The following BANK1 variants were observed in gnomAD, a reference collection of about 807,000 sequenced individuals.
BANK1 encodes B-cell scaffold protein with ankyrin repeats.
Under a neutral mutation model 94.5 loss-of-function variants are expected in BANK1, and 95 were observed. The observed-to-expected ratio is 1.00, with a 90% CI of 0.85 to 1.19. BANK1 has a LOEUF of 1.19. Among genes scored for constraint, BANK1 ranks in the 50% most tolerant of loss-of-function variants. The pLI, the probability that BANK1 is intolerant of heterozygous loss-of-function variation, is 0.00. For missense variants in BANK1, 987 were observed against 932.2 expected, an observed-to-expected ratio of 1.06 and a Z score of -0.77; for synonymous variants, 334 against 308.4, an observed-to-expected ratio of 1.08 and a Z score of -0.87.
At chr4:102,059,498 C>G (rs1197633298) in intron 11 of BANK1, among the ~76,000 whole-genome samples, 1 of 152,162 alleles carries the variant, frequency 6.6e-6, no homozygotes, top group Non-Finnish European at 1.5e-5. Flanking sequence ...ACATAGCATC[C>G]TTAAAGTCAT....
rs182653093 is a variant in BANK1, at chr4:101,791,325, A to G, written c.70+375A>G. Among the ~76,000 whole-genome samples the G allele has an allele frequency of 3.5e-4, 53 of 152,316 alleles. No homozygotes were observed. In the East Asian group the frequency reaches 4.1e-3, roughly 12 times the overall value. ...TTAAAATTATACGTAATTATTTTCAACAGTCGGTAAGCACAGAAAAACCGC... is the reference window on the plus strand; with the variant it reads ...TTAAAATTATACGTAATTATTTTCAGCAGTCGGTAAGCACAGAAAAACCGC... On this transcript the variant is annotated intron_variant, in intron 1 of 16. Coordinates refer to ENST00000322953, the MANE Select transcript of BANK1 (RefSeq NM_017935.5).
intron 7 of BANK1, among the ~76,000 whole-genome samples, chr4:101,969,727 A>G (rs1416780624): frequency 5.9e-5 from 9 of 152,076 alleles, no homozygotes; most frequent in Non-Finnish European, 1.2e-4. Context: ...AATGAAATGG[A>G]CACCCTATTT....
intron 7 of BANK1, among the ~76,000 whole-genome samples, chr4:101,969,494 A>C (rs1190969214): frequency 2.0e-5 from 3 of 152,122 alleles, no homozygotes; most frequent in Non-Finnish European, 4.4e-5. Context: ...ACTAAGAAAA[A>C]TTTTGGTTAG....
intron 1 of BANK1, 45 bp downstream of exon 1, chr4:101,790,995 T>C: frequency 7.0e-7 from 1 of 1,423,764 alleles, no homozygotes; most frequent in Non-Finnish European, 9.3e-7. Context: ...GAGGCCGGGC[T>C]ACGGGGCTCT....
chr4:101,818,007 TG>T (rs1427902984), intron 1 of BANK1, among the ~76,000 whole-genome samples: 2 of 152,178 alleles, frequency 1.3e-5, no homozygotes, highest in African/African-American at 4.8e-5. Context: ...AACTTCAATA[TG>T]GTTTATCCTT....
At chr4:101,951,068 G>A (rs1724131431) in intron 7 of BANK1, among the ~76,000 whole-genome samples, 1 of 152,048 alleles carries the variant, frequency 6.6e-6, no homozygotes, top group Non-Finnish European at 1.5e-5. Context: ...AGGCCATTAG[G>A]TAAAAACTAA....
At chr4:101,942,816 G>A (rs1399245611) in intron 7 of BANK1, among the ~76,000 whole-genome samples, 1 of 151,796 alleles carries the variant, frequency 6.6e-6, no homozygotes, top group Non-Finnish European at 1.5e-5. Context: ...AAAATAAAAT[G>A]TTTAATTCAA....
At chr4:101,820,893 T>C (rs1483137715) in intron 1 of BANK1, among the ~76,000 whole-genome samples, 2 of 152,200 alleles carry the variant, frequency 1.3e-5, no homozygotes, top group Admixed American at 1.3e-4. Context: ...CTTAGGTTGA[T>C]ACCATGTCTT....
intron 11 of BANK1, among the ~76,000 whole-genome samples, chr4:102,046,047 A>G (rs548874548): frequency 5.3e-5 from 8 of 150,004 alleles, no homozygotes; most frequent in Non-Finnish European, 1.0e-4. Context: ...AAACTATACT[A>G]CAAGGCTACA....
At chr4:101,946,573 AG>A (rs1049274972) in intron 7 of BANK1, among the ~76,000 whole-genome samples, 11 of 152,090 alleles carry the variant, frequency 7.2e-5, no homozygotes, top group Admixed American at 6.6e-4. Context: ...AAACTAGAAA[AG>A]TCAAAGGAAC....
intron 7 of BANK1, among the ~76,000 whole-genome samples, chr4:101,941,123 A>G (rs566741385): frequency 2.0e-5 from 3 of 151,784 alleles, no homozygotes; most frequent in African/African-American, 7.2e-5. Flanking sequence ...TTTTTTGCTC[A>G]AATTATTCCA....
chr4:102,012,847 C>A (rs1003824064), intron 7 of BANK1, among the ~76,000 whole-genome samples: 25 of 151,986 alleles, frequency 1.6e-4, no homozygotes, highest in African/African-American at 6.0e-4. Flanking sequence ...AAAAAAATTG[C>A]CTCTTAGTTT....
At chr4:101,963,949 C>A (rs1238213789) in intron 7 of BANK1, among the ~76,000 whole-genome samples, 1 of 152,084 alleles carries the variant, frequency 6.6e-6, no homozygotes, top group African/African-American at 2.4e-5. Flanking sequence ...TTTTCCTCCA[C>A]AGAAACCTCC....
At chr4:101,849,979 A>G (rs931258551) in intron 2 of BANK1, among the ~76,000 whole-genome samples, 1 of 152,184 alleles carries the variant, frequency 6.6e-6, no homozygotes. Context: ...GAAAGATTCT[A>G]TTTGGCTTCA....
chr4:101,795,249 A>T (rs545973325), intron 1 of BANK1, among the ~76,000 whole-genome samples: 1 of 152,276 alleles, frequency 6.6e-6, no homozygotes, highest in Admixed American at 6.5e-5. Flanking sequence ...ATTCATATGA[A>T]ATGGGAATCA....
chr4:101,923,308 G>A lies in BANK1; in HGVS notation c.1206+5119G>A, dbSNP rs746224403. 4.9e-4 allele frequency among the ~76,000 whole-genome samples: 75 copies of A among 151,670 alleles called. No individual in the cohort carries two copies. The Middle Eastern group carries it at 0.017, about 34-fold the overall frequency. ...GAAAAAGTGTTTCAAGAATATATAT[G>A]TACATGCTTTACATAGACATATAGT... On this transcript the variant is annotated intron_variant, in intron 7 of 16. Transcript: ENST00000322953.
intron 1 of BANK1, among the ~76,000 whole-genome samples, chr4:101,814,915 T>C (rs1236979629): frequency 6.6e-6 from 1 of 152,158 alleles, no homozygotes; most frequent in Admixed American, 6.6e-5. Flanking sequence ...TATTATATAA[T>C]AGAATGTAAA....
chr4:101,907,936 C>A (rs1394725482), intron 6 of BANK1, among the ~76,000 whole-genome samples: 1 of 152,186 alleles, frequency 6.6e-6, no homozygotes, highest in African/African-American at 2.4e-5. Context: ...ACATTCCATG[C>A]TCATGGGTAG....
intron 15 of BANK1, among the ~76,000 whole-genome samples, 159 bp from the exon 16 acceptor site, chr4:102,073,525 G>T (rs1295892515): frequency 6.6e-6 from 1 of 151,958 alleles, no homozygotes; most frequent in Non-Finnish European, 1.5e-5. Flanking sequence ...CAATGATTCT[G>T]TTTCCTTTTA....
Sources: gnomAD v4.1 joint callset for allele counts (sites outside exome capture counted in the v4.1 genomes callset) on GRCh38, gnomAD v4.1.1 for gene constraint, MANE v1.5 for transcripts, NCBI Gene and HGNC (gene_info 2026-07-23, HGNC 2026-07-21) for gene names.